NPAS3: variants seen among roughly 807,000 people sequenced by gnomAD.
NPAS3 encodes neuronal PAS domain-containing protein 3.
NPAS3 carries 14 observed loss-of-function variants against 73.1 expected under a neutral mutation model. That is an observed-to-expected ratio of 0.19 (90% CI 0.13 to 0.30). The LOEUF (loss-of-function observed/expected upper bound fraction) is 0.30, where lower values mean the gene tolerates loss of function less well. NPAS3 is among the 10% of genes least tolerant of loss of function. The pLI is 1.00. For missense variants in NPAS3, 1,096 were observed against 1,250.0 expected, an observed-to-expected ratio of 0.88 and a Z score of 1.86; for synonymous variants, 620 against 541.5, an observed-to-expected ratio of 1.14 and a Z score of -2.01.
At chr14:33,488,757 G>C (rs937674907) in intron 4 of NPAS3, among the ~76,000 whole-genome samples, 1 of 152,158 alleles carries the variant, frequency 6.6e-6, no homozygotes, top group Non-Finnish European at 1.5e-5. Context: ...CGCTGGCACA[G>C]TTCTGGGTGT....
intron 1 of NPAS3, among the ~76,000 whole-genome samples, chr14:32,972,904 A>C (rs1180071219): frequency 6.6e-6 from 1 of 152,224 alleles, no homozygotes; most frequent in Non-Finnish European, 1.5e-5. Flanking sequence ...CACAATGGAC[A>C]ACCGCTACTG....
chr14:32,946,348 G>GCACACACACACACACACACACACACA (rs3057257), intron 1 of NPAS3, among the ~76,000 whole-genome samples: 2 of 139,314 alleles, frequency 1.4e-5, no homozygotes, highest in Non-Finnish European at 3.1e-5. Flanking sequence ...ACACACACGC[G>GCACACACACACACACACACACACACA]CACACACACA....
intron 1 of NPAS3, among the ~76,000 whole-genome samples, chr14:33,000,730 A>C (rs1373951866): frequency 6.6e-6 from 1 of 152,250 alleles, no homozygotes; most frequent in East Asian, 1.9e-4. Flanking sequence ...TTACAGATGG[A>C]TAGAGATATT....
At position 33,142,191 on chromosome 14, in the gene NPAS3, C is replaced by CTTTTTTTT. The variant is rs10709910; in HGVS notation, c.141-72975_141-72968dup. On this transcript the variant is annotated intron_variant, in intron 2 of 11. Coordinates refer to ENST00000356141, the Ensembl canonical transcript of NPAS3. ...TTTATTTTATTTTAATTTGTATAAG[C>CTTTTTTTT]TTTTTTTTTTTTTTTTTTTTTTTAC... Among the ~76,000 whole-genome samples the CTTTTTTTT allele has an allele frequency of 2.1e-3, 80 of 38,096 alleles. 5 individuals carry two copies. The highest frequency in any genetic ancestry group is 5.9e-3 in the East Asian group (5 of 854). The allele number at this position is 38,096 out of a possible 152,430, so 25.0% of individuals were successfully genotyped here. A position where few individuals can be genotyped will look rare whatever the true frequency, so the allele number is the denominator to read the frequency against.
At position 33,401,287 on chromosome 14, in the gene NPAS3, A is replaced by T. The variant is rs2047434538; in HGVS notation, c.468+34019A>T. Among the ~76,000 whole-genome samples the T allele has an allele frequency of 2.6e-5, 4 of 152,222 alleles. 1 individual carries two copies. In the East Asian group the frequency reaches 7.7e-4, roughly 29 times the overall value. ...AATGGGGAATCTGCTTTCTTCTCTGAGGTGTGCTGTTACCCTGGCCAGATC... is the reference window on the plus strand; with the variant it reads ...AATGGGGAATCTGCTTTCTTCTCTGTGGTGTGCTGTTACCCTGGCCAGATC... On this transcript the variant is annotated intron_variant, in intron 4 of 11. Transcript: ENST00000356141.
intron 6 of NPAS3, among the ~76,000 whole-genome samples, chr14:33,682,323 G>A (rs1245519793): frequency 1.3e-5 from 2 of 152,196 alleles, no homozygotes; most frequent in Non-Finnish European, 2.9e-5. Flanking sequence ...GTGCCTGTAT[G>A]CGGCAAATCT....
chr14:33,631,302 A>G (rs1035182456), intron 5 of NPAS3, among the ~76,000 whole-genome samples: 2 of 152,250 alleles, frequency 1.3e-5, no homozygotes, highest in Non-Finnish European at 2.9e-5. Context: ...GTTCAAGAAT[A>G]GAACTATGGA....
chr14:33,800,892 G>C lies in NPAS3; in HGVS notation c.2585G>C (p.Gly862Ala), dbSNP rs746408254. Residue 862 changes from glycine to alanine, a missense_variant, in exon 12 of 12, where the codon GGC becomes GCC. Gly to Ala is a moderately conservative substitution (Grantham distance 60). This residue lies in a region of NPAS3 where 698 missense variants were observed against 676.7 expected (regional missense o/e 1.03). Transcript: ENST00000356141. The surrounding 1 kb of genome is among the most constrained non-coding windows in gnomAD (Gnocchi z 6.5). ...GTGGACGTTAACAGCCCCGGCTTTG[G>C]CCTCGACCCCAAGACGCCCATGGAG... The C allele has an allele frequency of 6.2e-7, 1 of 1,607,476 alleles. No homozygotes were observed. The highest frequency in any genetic ancestry group is 1.1e-5 in the South Asian group (1 of 89,604).
At chr14:33,308,902 A>G (rs1444321062) in intron 3 of NPAS3, among the ~76,000 whole-genome samples, 1 of 152,144 alleles carries the variant, frequency 6.6e-6, no homozygotes, top group African/African-American at 2.4e-5. Flanking sequence ...TTTTTATTAT[A>G]TATAGCTGGC....
At chr14:33,055,197 A>G (rs1158017352) in intron 1 of NPAS3, among the ~76,000 whole-genome samples, 2 of 152,216 alleles carry the variant, frequency 1.3e-5, no homozygotes, top group Non-Finnish European at 2.9e-5. Flanking sequence ...TTATGTCTAT[A>G]TAATGCAAGG....
At chr14:33,328,469 T>A (rs1434367282) in intron 3 of NPAS3, among the ~76,000 whole-genome samples, 2 of 83,432 alleles carry the variant, frequency 2.4e-5, no homozygotes, top group African/African-American at 8.5e-5. Context: ...TTTTTTTTTT[T>A]TTTTTTTTTT....
At chr14:33,758,407 G>A (rs1386571144) in intron 7 of NPAS3, among the ~76,000 whole-genome samples, 1 of 152,156 alleles carries the variant, frequency 6.6e-6, no homozygotes, top group Non-Finnish European at 1.5e-5. Flanking sequence ...ACTTCTGCAC[G>A]GGGCATCCCT....
chr14:33,266,062 T>G (rs545776202), intron 3 of NPAS3, among the ~76,000 whole-genome samples: 1 of 151,870 alleles, frequency 6.6e-6, no homozygotes, highest in Non-Finnish European at 1.5e-5. Context: ...TAAGATAAAT[T>G]TTGTGCTTCA....
chr14:33,265,334 T>A (rs1011502870), intron 3 of NPAS3, among the ~76,000 whole-genome samples: 3 of 152,240 alleles, frequency 2.0e-5, no homozygotes, highest in Admixed American at 2.0e-4. Context: ...ACATTACTTT[T>A]CAGTTTAGTA....
intron 3 of NPAS3, among the ~76,000 whole-genome samples, chr14:33,295,348 A>C (rs946291216): frequency 2.0e-5 from 3 of 152,140 alleles, no homozygotes; most frequent in African/African-American, 7.2e-5. Context: ...TTAATAAAAG[A>C]CTTCATTTTA....
At chr14:33,157,318 C>T (rs2044683503) in intron 2 of NPAS3, among the ~76,000 whole-genome samples, 1 of 152,210 alleles carries the variant, frequency 6.6e-6, no homozygotes, top group Non-Finnish European at 1.5e-5. Flanking sequence ...GAGAACCTAA[C>T]ATCAGATTTT....
chr14:33,043,013 C>T (rs1256058168), intron 1 of NPAS3, among the ~76,000 whole-genome samples: 2 of 152,100 alleles, frequency 1.3e-5, no homozygotes, highest in Non-Finnish European at 2.9e-5. Context: ...GCTGCTGCTG[C>T]TTCATAATGT....
At chr14:33,678,361 C>G (rs111676937) in intron 6 of NPAS3, among the ~76,000 whole-genome samples, 36 of 152,096 alleles carry the variant, frequency 2.4e-4, no homozygotes, top group African/African-American at 8.5e-4. Context: ...CTCCTTCTTC[C>G]CTATCCTAGC....
intron 1 of NPAS3, among the ~76,000 whole-genome samples, chr14:32,978,114 G>GGT (rs940168525): frequency 6.6e-6 from 1 of 152,092 alleles, no homozygotes; most frequent in African/African-American, 2.4e-5. Context: ...TGAAGATGTG[G>GGT]GGGGGTGAGA....
Sources: gnomAD v4.1 joint callset for allele counts (sites outside exome capture counted in the v4.1 genomes callset) on GRCh38, gnomAD v4.1.1 for gene constraint, gnomAD v4.1.1 regional missense constraint, Gnocchi (gnomAD v3.1) non-coding constraint, MANE v1.5 for transcripts, NCBI Gene and HGNC (gene_info 2026-07-23, HGNC 2026-07-21) for gene names.